The following MARK2 variants were observed in gnomAD, a reference collection of about 807,000 sequenced individuals.
MARK2 encodes serine/threonine-protein kinase MARK2.
MARK2 carries 16 observed loss-of-function variants against 89.8 expected under a neutral mutation model. That is an observed-to-expected ratio of 0.18 (90% CI 0.12 to 0.27). MARK2 has a LOEUF of 0.27. Ranked by LOEUF, MARK2 falls within the 10% of genes least tolerant of loss-of-function variation. MARK2 has a pLI of 1.00. For missense variants in MARK2, 621 were observed against 1,049.9 expected (o/e 0.59, Z 5.65); for synonymous variants, 382 against 399.5 (o/e 0.96, Z 0.52).
At chr11:63,898,698 G>C (rs1367518809) in intron 5 of MARK2, 25 bp downstream of exon 5, 1 of 1,612,824 alleles carries the variant, frequency 6.2e-7, no homozygotes. Flanking sequence ...GCCTCTTCCT[G>C]TTGTGCCCCC....
intron 1 of MARK2, among the ~76,000 whole-genome samples, chr11:63,863,450 C>T (rs1937933056): frequency 9.8e-6 from 1 of 102,010 alleles, no homozygotes; most frequent in African/African-American, 3.7e-5. Flanking sequence ...CCCTCCCCCA[C>T]CCCCCCACCC....
At chr11:63,890,915 C>T (rs75414897) in intron 1 of MARK2, among the ~76,000 whole-genome samples, 2,471 of 152,332 alleles carry the variant, frequency 0.016, 72 homozygotes, top group African/African-American at 0.056. Flanking sequence ...TGTTGGACTG[C>T]AGAGTTCCTC....
chr11:63,900,697 C>A lies in MARK2; in HGVS notation c.888+19C>A. ...TTTAGAGGTGAGCAGTGGAGCCCAA[C>A]TGGCGGAAGGGCCTGGGGTCCCCAC... is the stretch of plus-strand genomic sequence containing the variant. On this transcript the variant is annotated intron_variant, in intron 9 of 18. Transcript: ENST00000402010. This position sits in a 1 kb window ranked among gnomAD's most constrained non-coding sequence, Gnocchi z 4.7. 1 of 1,613,932 alleles carries A rather than the reference C, an allele frequency of 6.2e-7. No homozygotes were observed. The highest frequency in any genetic ancestry group is 8.5e-7 in the Non-Finnish European group (1 of 1,179,786).
intron 1 of MARK2, among the ~76,000 whole-genome samples, chr11:63,854,873 T>G (rs2016765420): frequency 6.6e-6 from 1 of 151,548 alleles, no homozygotes; most frequent in Non-Finnish European, 1.5e-5. Flanking sequence ...CATGAGGCAT[T>G]GCTGCTGTAT....
At position 63,909,535 on chromosome 11, in the gene MARK2, A is replaced by G. The variant is rs183844595; in HGVS notation, c.*298A>G. ...GGCTCCCCCTCGGTACTGCGGTTGC[A>G]CAGAGTATTTCGCCTAAACCAAGAA... On this transcript the variant is annotated 3_prime_UTR_variant, in exon 19 of 19. Coordinates refer to ENST00000402010, the MANE Select transcript of MARK2 (RefSeq NM_001039469.3). 5.5e-5 allele frequency: 16 copies of G among 288,622 alleles called. No individual in the cohort carries two copies. In the Admixed American group the frequency reaches 7.0e-4, roughly 13 times the overall value. The allele number at this position is 288,622 out of a possible 1,614,324, so 17.9% of individuals were successfully genotyped here.
chr11:63,850,383 G>C (rs1179769956), intron 1 of MARK2, among the ~76,000 whole-genome samples: 1 of 134,176 alleles, frequency 7.5e-6, no homozygotes, highest in South Asian at 2.3e-4. Context: ...TGACCAGGCT[G>C]GTCTTGAACT....
chr11:63,883,252 C>T (rs1487692194), intron 1 of MARK2, among the ~76,000 whole-genome samples: 4 of 152,110 alleles, frequency 2.6e-5, no homozygotes, highest in African/African-American at 4.8e-5. Flanking sequence ...ACACAGAGGG[C>T]GAAGGCATGG....
intron 1 of MARK2, among the ~76,000 whole-genome samples, chr11:63,841,664 A>G (rs780449250): frequency 6.6e-6 from 1 of 152,200 alleles, no homozygotes; most frequent in Non-Finnish European, 1.5e-5. Context: ...GAGGAGGCCA[A>G]GTGACTGACT....
At chr11:63,861,937 T>TTTTTG (rs1937819794) in intron 1 of MARK2, among the ~76,000 whole-genome samples, 1 of 146,152 alleles carries the variant, frequency 6.8e-6, no homozygotes, top group Non-Finnish European at 1.5e-5. Flanking sequence ...TTTTTTTTTT[T>TTTTTG]TTTGAGACGG....
At chr11:63,891,117 T>A (rs1242628834) in intron 1 of MARK2, among the ~76,000 whole-genome samples, 1 of 152,126 alleles carries the variant, frequency 6.6e-6, no homozygotes, top group Non-Finnish European at 1.5e-5. Flanking sequence ...GGTCTCACTG[T>A]ATTGCCTTTT....
chr11:63,850,922 C>T (rs1361637285), intron 1 of MARK2, among the ~76,000 whole-genome samples: 1 of 152,162 alleles, frequency 6.6e-6, no homozygotes. Context: ...CATTGGCCTC[C>T]CCAAGTGCTG....
chr11:63,885,389 A>ATTAGCCGGGCAATAC (rs993538476), intron 1 of MARK2, among the ~76,000 whole-genome samples: 1 of 151,684 alleles, frequency 6.6e-6, no homozygotes, highest in African/African-American at 2.4e-5. Flanking sequence ...AAATACAAAA[A>ATTAGCCGGGCAATAC]TTAGCCGGGC....
chr11:63,856,163 A>AT (rs2016825782), intron 1 of MARK2, among the ~76,000 whole-genome samples: 1 of 152,106 alleles, frequency 6.6e-6, no homozygotes, highest in Non-Finnish European at 1.5e-5. Flanking sequence ...GCCCCAGTAT[A>AT]ATCCCTGCCT....
chr11:63,888,962 C>G, intron 1 of MARK2: 1 of 1,351,518 alleles, frequency 7.4e-7, no homozygotes, highest in Non-Finnish European at 9.8e-7. Context: ...TTTCTCCAGT[C>G]GGGTATGTTG....
chr11:63,849,865 G>A (rs1466613849), intron 1 of MARK2: 1 of 152,132 alleles, frequency 6.6e-6, no homozygotes, highest in Non-Finnish European at 1.5e-5. Flanking sequence ...CTGTAAAATG[G>A]GAGAAGAATA....
At chr11:63,855,884 A>C (rs1327171974) in intron 1 of MARK2, among the ~76,000 whole-genome samples, 1 of 152,232 alleles carries the variant, frequency 6.6e-6, no homozygotes, top group Non-Finnish European at 1.5e-5. Flanking sequence ...TTTGTTTTGG[A>C]AAATACAGGT....
At chr11:63,884,956 C>T (rs1464602348) in intron 1 of MARK2, among the ~76,000 whole-genome samples, 1 of 152,206 alleles carries the variant, frequency 6.6e-6, no homozygotes, top group Non-Finnish European at 1.5e-5. Flanking sequence ...GATCCCAGCA[C>T]TTTAGGAGGC....
At chr11:63,847,278 A>G (rs2135200219) in intron 1 of MARK2, among the ~76,000 whole-genome samples, 1 of 152,328 alleles carries the variant, frequency 6.6e-6, no homozygotes, top group South Asian at 2.1e-4. Flanking sequence ...TTTTTACACC[A>G]AATCATTAAT....
intron 1 of MARK2, among the ~76,000 whole-genome samples, chr11:63,870,893 A>G (rs1938407647): frequency 6.6e-6 from 1 of 152,152 alleles, no homozygotes. Flanking sequence ...AGGCCATTGT[A>G]CATTTGAAGA....
Sources: gnomAD v4.1 joint callset for allele counts (sites outside exome capture counted in the v4.1 genomes callset) on GRCh38, gnomAD v4.1.1 for gene constraint, Gnocchi (gnomAD v3.1) non-coding constraint, MANE v1.5 for transcripts, NCBI Gene and HGNC (gene_info 2026-07-23, HGNC 2026-07-21) for gene names.